The following MON2 variants were observed in gnomAD, a reference collection of about 807,000 sequenced individuals.
The protein encoded by MON2 is protein MON2 homolog.
MON2 carries 84 observed loss-of-function variants against 208.6 expected under a neutral mutation model. The ratio of observed to expected loss-of-function variants is 0.40; its 90% confidence interval spans 0.34 to 0.48. MON2 has a LOEUF of 0.48. MON2 is among the 20% of genes least tolerant of loss of function. MON2 has a pLI of 0.59. For synonymous variants in MON2, 660 were observed against 694.0 expected (o/e 0.95, Z 0.77); for missense variants, 1,611 against 2,015.4 (o/e 0.80, Z 3.84).
At chr12:62,481,515 C>CAAAAA (rs5798644) in intron 1 of MON2, among the ~76,000 whole-genome samples, 1 of 110,282 alleles carries the variant, frequency 9.1e-6, no homozygotes, top group African/African-American at 3.4e-5. Flanking sequence ...GACTCCGTCT[C>CAAAAA]AAAAAAAAAA....
Position 62,538,154 on chromosome 12 carries a change from G to T in MON2, c.2177G>T (p.Arg726Ile). 6.2e-7 allele frequency: 1 copy of T among 1,613,748 alleles called. No individual in the cohort carries two copies. The highest frequency in any genetic ancestry group is 8.5e-7 in the Non-Finnish European group (1 of 1,179,850). ...PSSGGALKPG[R>I]AVEGPSTVLT... ...AGTGGCGGTGCCTTGAAACCTGGGA[G>T]AGCTGTAGAAGGACCCAGTACAGTA... Residue 726 changes from arginine (R) to isoleucine (I), a missense_variant, in exon 17 of 35, where the codon AGA becomes ATA. Coordinates refer to ENST00000393630, the MANE Select transcript of MON2 (RefSeq NM_015026.3).
chr12:62,484,370 A>G (rs139973038), intron 2 of MON2, 137 bp downstream of exon 2: 293 of 593,200 alleles, frequency 4.9e-4, no homozygotes, highest in African/African-American at 4.9e-3. Context: ...ATAATGAAAC[A>G]GAATGGGCAA....
intron 1 of MON2, among the ~76,000 whole-genome samples, chr12:62,468,691 AT>A (rs536644993): frequency 1.5e-4 from 23 of 152,052 alleles, no homozygotes; most frequent in Non-Finnish European, 2.2e-4. Context: ...ATTGATTTTC[AT>A]TTTTTTTATA....
intron 8 of MON2, among the ~76,000 whole-genome samples, chr12:62,521,304 C>T (rs1011286135): frequency 7.2e-5 from 11 of 152,006 alleles, no homozygotes; most frequent in African/African-American, 1.9e-4. Context: ...CCACCTTGCC[C>T]GGCCCGTTTA....
intron 8 of MON2, among the ~76,000 whole-genome samples, chr12:62,520,546 C>G (rs1194308533): frequency 6.6e-6 from 1 of 152,034 alleles, no homozygotes; most frequent in Non-Finnish European, 1.5e-5. Flanking sequence ...TAGCTCAGTT[C>G]ACAGCTATGC....
At chr12:62,471,403 C>T (rs2068783738) in intron 1 of MON2, among the ~76,000 whole-genome samples, 1 of 152,238 alleles carries the variant, frequency 6.6e-6, no homozygotes, top group Non-Finnish European at 1.5e-5. Context: ...AGCCTAGTCT[C>T]GAACTCCTGA....
chr12:62,542,032 A>G (rs2073264958), intron 19 of MON2, among the ~76,000 whole-genome samples: 1 of 152,196 alleles, frequency 6.6e-6, no homozygotes, highest in African/African-American at 2.4e-5. Context: ...TTATATAGCT[A>G]TTAAGTAGTA....
chr12:62,592,726 A>G lies in MON2; in HGVS notation c.5131A>G (p.Arg1711Gly). ...FKDFMQPPAS[R>G]VQNGES ...GGATTTCATGCAGCCACCAGCATCC[A>G]GAGTTCAAAATGGAGAATCTTGACC... Residue 1711 changes from arginine (R) to glycine (G), a missense_variant, in exon 35 of 35, where the codon AGA becomes GGA. Physicochemically the swap from Arg to Gly is moderately radical, Grantham distance 125 (BLOSUM62 -2). Coordinates refer to ENST00000393630, the MANE Select transcript of MON2 (RefSeq NM_015026.3). 6.3e-7 allele frequency: 1 copy of G among 1,599,246 alleles called. No individual in the cohort carries two copies. Among genetic ancestry groups the G allele is most frequent in the Non-Finnish European group, 8.6e-7 (1 of 1,169,040 alleles).
intron 8 of MON2, 141 bp downstream of exon 8, chr12:62,508,621 T>C (rs1014617050): frequency 1.5e-6 from 1 of 652,464 alleles, no homozygotes; most frequent in East Asian, 2.7e-5. Context: ...GTCTAGGTAC[T>C]CTAAAGGTTT....
chr12:62,592,575 T>C lies in MON2; in HGVS notation c.4991-11T>C, dbSNP rs776886420. 1.9e-6 allele frequency: 3 copies of C among 1,575,158 alleles called. No individual in the cohort carries two copies. Among genetic ancestry groups the C allele is most frequent in the South Asian group, 1.2e-5 (1 of 86,774 alleles). ...TCCACCCTTTTGAGGTTTTATACTT[T>C]TGCATTACAGTTGATGGAAATACCT... On this transcript the variant is annotated splice_polypyrimidine_tract_variant and intron_variant, in intron 34 of 34. Transcript: ENST00000393630.
At chr12:62,483,418 G>T (rs556588651) in intron 1 of MON2, among the ~76,000 whole-genome samples, 7 of 152,114 alleles carry the variant, frequency 4.6e-5, no homozygotes, top group African/African-American at 1.7e-4. Context: ...ATCCAACACA[G>T]GTCTGGGCAC....
At chr12:62,519,480 C>A (rs541501645) in intron 8 of MON2, among the ~76,000 whole-genome samples, 1 of 152,264 alleles carries the variant, frequency 6.6e-6, no homozygotes, top group East Asian at 1.9e-4. Context: ...TGAGTTATTT[C>A]TATCATTATT....
At position 62,544,999 on chromosome 12, in the gene MON2, A is replaced by G; in HGVS notation, c.2568A>G (p.Ser856=). The G allele has an allele frequency of 6.4e-7, 1 of 1,572,106 alleles. No individual in the cohort carries two copies. Among genetic ancestry groups the G allele is most frequent in the African/African-American group, 1.4e-5 (1 of 73,226 alleles). The change falls in exon 21 of 35, where the codon TCA becomes TCG. Residue 856 remains serine (S), a synonymous_variant. Transcript: ENST00000393630. ...GLTFNHDPPL[S]QNQRLQLLLL... ...CATTTAACCATGATCCTCCACTCTC[A>G]CAAAACCAGGTAATAAAAACCTTAC...
intron 1 of MON2, among the ~76,000 whole-genome samples, chr12:62,476,012 AAAAAG>A (rs147977980): frequency 0.11 from 17,258 of 150,200 alleles, 1,241 homozygotes; most frequent in Middle Eastern, 0.25. Context: ...ACTCCGTCTC[AAAAAG>A]AAAAGAAAAG....
At chr12:62,501,467 C>T in intron 6 of MON2, 106 bp from the exon 7 acceptor site, 1 of 1,329,396 alleles carries the variant, frequency 7.5e-7, no homozygotes, top group Non-Finnish European at 1.0e-6. Context: ...GGAGCAAAAA[C>T]ATGTATTATA....
Position 62,593,186 on chromosome 12 carries a change from C to G in MON2, c.*437C>G, listed in dbSNP as rs1299943181. The G allele has an allele frequency of 6.4e-6, 1 of 155,104 alleles. No homozygotes were observed. Among genetic ancestry groups the G allele is most frequent in the Non-Finnish European group, 1.4e-5 (1 of 69,474 alleles). The allele number at this position is 155,104 out of a possible 1,614,324, so 9.6% of individuals were successfully genotyped here. A position where few individuals can be genotyped will look rare whatever the true frequency, so the allele number is the denominator to read the frequency against. On this transcript the variant is annotated 3_prime_UTR_variant, in exon 35 of 35. Coordinates refer to ENST00000393630, the MANE Select transcript of MON2 (RefSeq NM_015026.3). ...TACTAGAATTTTATGCAAGATGGTA[C>G]TGTAACATTCCATATTATCTATAAC...
At chr12:62,588,582 C>A (rs2075294931) in intron 34 of MON2, among the ~76,000 whole-genome samples, 1 of 152,148 alleles carries the variant, frequency 6.6e-6, no homozygotes, top group African/African-American at 2.4e-5. Context: ...TTTGCCCTTT[C>A]TGTTGTTCAT....
At chr12:62,501,387 G>A (rs2070822506) in intron 6 of MON2, among the ~76,000 whole-genome samples, 186 bp from the exon 7 acceptor site, 1 of 152,076 alleles carries the variant, frequency 6.6e-6, no homozygotes, top group African/African-American at 2.4e-5. Flanking sequence ...TGATTCTTTA[G>A]AAGTTTACTT....
intron 1 of MON2, among the ~76,000 whole-genome samples, chr12:62,474,157 C>G (rs1005824044): frequency 2.7e-5 from 4 of 149,292 alleles, no homozygotes; most frequent in Non-Finnish European, 5.9e-5. Context: ...TCGCTCTTGT[C>G]CCCCAGGCTT....
Sources: allele counts gnomAD v4.1 joint callset (sites outside exome capture counted in the v4.1 genomes callset), GRCh38; gene constraint gnomAD v4.1.1; transcripts MANE v1.5; gene names NCBI Gene and HGNC (gene_info 2026-07-23, HGNC 2026-07-21).